The following COL21A1 variants were observed in gnomAD, a reference collection of about 807,000 sequenced individuals.
The protein encoded by COL21A1 is collagen type XXI alpha 1 chain, also known as collagen alpha-1(XXI) chain.
Under a neutral mutation model 137.9 loss-of-function variants are expected in COL21A1, and 149 were observed. The observed-to-expected ratio is 1.08, with a 90% CI of 0.95 to 1.24. COL21A1 has a LOEUF of 1.24. Ranked by LOEUF, COL21A1 falls within the 50% of genes most tolerant of loss-of-function variation. COL21A1 has a pLI of 0.00. For synonymous variants in COL21A1, 456 were observed against 391.5 expected (o/e 1.16, Z -1.95); for missense variants, 1,167 against 1,158.4 (o/e 1.01, Z -0.11).
chr6:56,238,239 C>G (rs4715597), intron 1 of COL21A1, among the ~76,000 whole-genome samples: 113,548 of 151,784 alleles, frequency 0.75, 43,008 homozygotes, highest in East Asian at 0.9. Context: ...CTGAGTGCTC[C>G]AGGACAGGAA....
chr6:56,151,076 A>G (rs150230823), intron 10 of COL21A1, among the ~76,000 whole-genome samples: 1 of 141,614 alleles, frequency 7.1e-6, no homozygotes, highest in Non-Finnish European at 1.5e-5. Context: ...ACAAAAAAAA[A>G]TTGACCGGGC....
intron 17 of COL21A1, among the ~76,000 whole-genome samples, chr6:56,085,753 G>T (rs1768186424): frequency 6.6e-6 from 1 of 151,872 alleles, no homozygotes; most frequent in Non-Finnish European, 1.5e-5. Context: ...GATTTATCAG[G>T]AGCAGAATGG....
chr6:56,252,587 A>G (rs1782879317), intron 1 of COL21A1, among the ~76,000 whole-genome samples: 1 of 152,246 alleles, frequency 6.6e-6, no homozygotes, highest in Admixed American at 6.5e-5. Context: ...TTTAAAGGAT[A>G]CCAACAAAGG....
chr6:56,290,816 C>A (rs1764025043), intron 1 of COL21A1, among the ~76,000 whole-genome samples: 1 of 152,074 alleles, frequency 6.6e-6, no homozygotes, highest in South Asian at 2.1e-4. Flanking sequence ...ATTTTAACAA[C>A]CCACTGACAA....
intron 1 of COL21A1, among the ~76,000 whole-genome samples, chr6:56,282,357 C>T (rs1226058288): frequency 1.3e-5 from 1 of 74,828 alleles, no homozygotes; most frequent in Non-Finnish European, 2.6e-5. Context: ...TGTTTTTTCT[C>T]ATACGCATGG....
chr6:56,297,533 G>A (rs1764190714), intron 1 of COL21A1, among the ~76,000 whole-genome samples: 1 of 151,776 alleles, frequency 6.6e-6, no homozygotes, highest in African/African-American at 2.4e-5. Context: ...GTGTGTAAAG[G>A]GTACTTAAAA....
At chr6:56,114,301 T>C (rs1187342521) in intron 16 of COL21A1, among the ~76,000 whole-genome samples, 1 of 152,132 alleles carries the variant, frequency 6.6e-6, no homozygotes, top group East Asian at 1.9e-4. Context: ...CAGAGCATAG[T>C]GGTGGTGGTT....
chr6:56,098,804 C>G (rs899619324), intron 17 of COL21A1, among the ~76,000 whole-genome samples: 5 of 144,178 alleles, frequency 3.5e-5, no homozygotes, highest in Non-Finnish European at 6.0e-5. Flanking sequence ...CAACCCCCAC[C>G]TCCCAGGTTC....
chr6:56,093,633 A>G (rs1040803001), intron 17 of COL21A1, among the ~76,000 whole-genome samples: 5 of 152,092 alleles, frequency 3.3e-5, no homozygotes, highest in Admixed American at 3.3e-4. Context: ...TGGAACCACT[A>G]TTCTTTTTTA....
At chr6:56,353,054 A>C (rs1765749788) in intron 1 of COL21A1, among the ~76,000 whole-genome samples, 1 of 152,112 alleles carries the variant, frequency 6.6e-6, no homozygotes, top group Non-Finnish European at 1.5e-5. Flanking sequence ...AAAAAAAAAG[A>C]AGAAGAAAAG....
At chr6:56,271,646 A>G (rs1329119997) in intron 1 of COL21A1, among the ~76,000 whole-genome samples, 1 of 152,242 alleles carries the variant, frequency 6.6e-6, no homozygotes, top group Non-Finnish European at 1.5e-5. Flanking sequence ...TCTCCAGAGC[A>G]TGTCAGAGAC....
intron 1 of COL21A1, among the ~76,000 whole-genome samples, chr6:56,330,675 G>C (rs1053915921): frequency 6.6e-6 from 1 of 152,006 alleles, no homozygotes; most frequent in Non-Finnish European, 1.5e-5. Context: ...TCACAGTTTG[G>C]AGTCTCCTGT....
chr6:56,274,125 A>G (rs1454135307), intron 1 of COL21A1, among the ~76,000 whole-genome samples: 2 of 152,168 alleles, frequency 1.3e-5, no homozygotes, highest in Non-Finnish European at 2.9e-5. Flanking sequence ...CCTTATGATC[A>G]TCTTATTAGA....
intron 1 of COL21A1, among the ~76,000 whole-genome samples, chr6:56,196,048 T>C (rs954785093): frequency 1.3e-5 from 2 of 152,132 alleles, no homozygotes; most frequent in African/African-American, 4.8e-5. Context: ...ATCCCTGAGA[T>C]GCAAGGATGG....
intron 1 of COL21A1, among the ~76,000 whole-genome samples, chr6:56,276,018 A>G (rs1007138582): frequency 1.3e-5 from 2 of 152,236 alleles, no homozygotes; most frequent in Non-Finnish European, 1.5e-5. Flanking sequence ...TGGTATATAC[A>G]CACCACAGAA....
chr6:56,295,878 T>G (rs909737932), intron 1 of COL21A1, among the ~76,000 whole-genome samples: 2 of 151,996 alleles, frequency 1.3e-5, no homozygotes, highest in African/African-American at 2.4e-5. Flanking sequence ...TCATGTCATC[T>G]GAAAACAATT....
intron 3 of COL21A1, among the ~76,000 whole-genome samples, chr6:56,175,075 A>T (rs936377319): frequency 6.6e-6 from 1 of 152,118 alleles, no homozygotes; most frequent in Admixed American, 6.5e-5. Context: ...GCAGAAAAAT[A>T]ATTGACAAAA....
intron 1 of COL21A1, among the ~76,000 whole-genome samples, chr6:56,337,961 CTTTTTTTTT>C (rs200998969): frequency 0.28 from 25,015 of 90,930 alleles, 3,277 homozygotes; most frequent in African/African-American, 0.42. Context: ...CTTTTCTTTT[CTTTTTTTTT>C]TTTTTTTTTT....
chr6:56,141,831 C>T lies in COL21A1; in HGVS notation c.1496G>A (p.Arg499Gln), dbSNP rs760893406. The stretch of plus-strand genomic sequence containing the variant: ...TTCTCCTTTGTAACCTGGTAGTCCT[C>T]GAGCTCCCTAAATTAACCAGAAAAT... Reference protein sequence around the residue: ...VPGSPGIQGARGLPGYKGEPG... With the variant: ...VPGSPGIQGAQGLPGYKGEPG... Residue 499 changes from arginine to glutamine, a missense_variant, in exon 12 of 30, where the codon CGA becomes CAA. Transcript: ENST00000244728. The T allele has an allele frequency of 9.9e-6, 16 of 1,613,386 alleles. No individual in the cohort carries two copies. Among genetic ancestry groups the T allele is most frequent in the African/African-American group, 2.7e-5 (2 of 74,844 alleles).
Sources: allele counts gnomAD v4.1 joint callset (sites outside exome capture counted in the v4.1 genomes callset), GRCh38; gene constraint gnomAD v4.1.1; transcripts MANE v1.5; gene names NCBI Gene and HGNC (gene_info 2026-07-23, HGNC 2026-07-21).